Variants in NUDT3 observed in about 807,000 individuals in gnomAD.
NUDT3 encodes diphosphoinositol polyphosphate phosphohydrolase 1.
In NUDT3, 9 loss-of-function variants were observed where a neutral mutation model predicts 23.6. That is an observed-to-expected ratio of 0.38 (90% CI 0.23 to 0.66). The LOEUF is 0.66. Ranked by LOEUF, NUDT3 falls within the 30% of genes least tolerant of loss-of-function variation. The pLI, the probability that NUDT3 is intolerant of heterozygous loss-of-function variation, is 0.52. For synonymous variants in NUDT3, 86 were observed against 82.6 expected, an observed-to-expected ratio of 1.04 and a Z score of -0.22; for missense variants, 172 against 218.5, an observed-to-expected ratio of 0.79 and a Z score of 1.34.
intron 4 of NUDT3, among the ~76,000 whole-genome samples, chr6:34,292,584 T>C (rs190146849): frequency 6.6e-6 from 1 of 151,918 alleles, no homozygotes; most frequent in Admixed American, 6.5e-5. Context: ...ATTTTATCAT[T>C]TTTATATTCA....
intron 1 of NUDT3, among the ~76,000 whole-genome samples, chr6:34,377,707 C>T (rs1352110498): frequency 6.6e-6 from 1 of 151,948 alleles, no homozygotes; most frequent in East Asian, 1.9e-4. Context: ...GTGGCACACA[C>T]CTGTAACCCC....
chr6:34,289,028 C>T lies in NUDT3; in HGVS notation c.341-97G>A, dbSNP rs868092171. ...TATAGAAAACATTAAAGCAATGTTT[C>T]TTAACACTTTTTTTCCTTACAAAAA... On this transcript the variant is annotated intron_variant, in intron 4 of 4. Transcript: ENST00000607016. 61 of 1,379,000 alleles carry T rather than the reference C, an allele frequency of 4.4e-5. No individual in the cohort carries two copies. The Middle Eastern group carries it at 7.2e-4, about 16-fold the overall frequency. The allele number at this position is 1,379,000 out of a possible 1,614,324, so 85.4% of individuals were successfully genotyped here. A position where few individuals can be genotyped will look rare whatever the true frequency, so the allele number is the denominator to read the frequency against.
chr6:34,389,585 G>A (rs1765162032), intron 1 of NUDT3, among the ~76,000 whole-genome samples: 1 of 152,080 alleles, frequency 6.6e-6, no homozygotes. Flanking sequence ...TTGAGCATAG[G>A]AGGTTGAGGC....
At position 34,281,844 on chromosome 6, in the gene NUDT3, G is replaced by A. The variant is rs1205285606; in HGVS notation, c.*6909C>T. 1.3e-5 allele frequency: 2 copies of A among 152,168 alleles called. No homozygotes were observed. Among genetic ancestry groups the A allele is most frequent in the African/African-American group, 4.8e-5 (2 of 41,426 alleles). 9.4% of individuals were successfully genotyped at this position (152,168 alleles called of 1,614,324 possible). On this transcript the variant is annotated 3_prime_UTR_variant, in exon 5 of 5. Transcript: ENST00000607016. ...ACATGCTCCCAGTCACGAGGGATGG[G>A]GTGAGCGGGCAGGTTTCTGTCTGTG...
Position 34,297,759 on chromosome 6 carries a change from AATTTTTT to A in NUDT3, c.211-2081_211-2075del, listed in dbSNP as rs1219864230. 1.6e-3 allele frequency among the ~76,000 whole-genome samples: 112 copies of A among 71,102 alleles called. 1 individual carries two copies. The highest frequency in any genetic ancestry group is 6.6e-3 in the African/African-American group (100 of 15,144). 46.6% of individuals were successfully genotyped at this position (71,102 alleles called of 152,430 possible). On this transcript the variant is annotated intron_variant, in intron 2 of 4. Transcript: ENST00000607016. ...TATATATATATATATATATATATAT[AATTTTTT>A]TTTTTTTTTTAGTAGAGACGGGGTT...
chr6:34,352,994 A>AT (rs1228261650), intron 1 of NUDT3, among the ~76,000 whole-genome samples: 1 of 152,130 alleles, frequency 6.6e-6, no homozygotes, highest in Non-Finnish European at 1.5e-5. Context: ...TCAAACATCT[A>AT]TTTTTTTAAT....
intron 1 of NUDT3, among the ~76,000 whole-genome samples, chr6:34,360,835 AT>A (rs1764639455): frequency 1.3e-5 from 2 of 152,174 alleles, no homozygotes. Context: ...TAAAGGATTC[AT>A]CCAAAATATA....
chr6:34,366,567 TG>T (rs1428934907), intron 1 of NUDT3, among the ~76,000 whole-genome samples: 45 of 147,992 alleles, frequency 3.0e-4, no homozygotes, highest in East Asian at 2.5e-3. Flanking sequence ...CTTACTGTTT[TG>T]TTTTTTAGAG....
chr6:34,340,142 T>G (rs900337940), intron 2 of NUDT3, among the ~76,000 whole-genome samples: 5 of 152,148 alleles, frequency 3.3e-5, no homozygotes, highest in African/African-American at 4.8e-5. Context: ...GATAGAGCTG[T>G]GATAACCATC....
chr6:34,308,895 G>A (rs1382160524), intron 2 of NUDT3, among the ~76,000 whole-genome samples: 1 of 152,166 alleles, frequency 6.6e-6, no homozygotes, highest in African/African-American at 2.4e-5. Flanking sequence ...CTAGGTGGCA[G>A]AAAATCAAAT....
intron 2 of NUDT3, among the ~76,000 whole-genome samples, chr6:34,312,877 A>G (rs1228925985): frequency 6.6e-6 from 1 of 152,206 alleles, no homozygotes; most frequent in Non-Finnish European, 1.5e-5. Context: ...ATGTAAGGAC[A>G]TGGAGAGGGC....
chr6:34,302,497 C>T (rs952676545), intron 2 of NUDT3, among the ~76,000 whole-genome samples: 94 of 152,280 alleles, frequency 6.2e-4, no homozygotes, highest in African/African-American at 2.1e-3. Flanking sequence ...CTTTGGGAGG[C>T]CGAGGTGGGC....
chr6:34,306,838 T>C (rs1353891001), intron 2 of NUDT3, among the ~76,000 whole-genome samples: 1 of 152,214 alleles, frequency 6.6e-6, no homozygotes, highest in Non-Finnish European at 1.5e-5. Flanking sequence ...TAAAAAGTAA[T>C]TTAGAGTAGT....
At chr6:34,359,800 G>T (rs911763500) in intron 1 of NUDT3, among the ~76,000 whole-genome samples, 1 of 152,108 alleles carries the variant, frequency 6.6e-6, no homozygotes, top group Admixed American at 6.6e-5. Flanking sequence ...TGAAACTGCT[G>T]GATCAAACAT....
At chr6:34,290,600 G>C (rs1266143350) in intron 4 of NUDT3, among the ~76,000 whole-genome samples, 1 of 151,110 alleles carries the variant, frequency 6.6e-6, no homozygotes, top group Non-Finnish European at 1.5e-5. Context: ...GCTAAGGCAG[G>C]AGGACTGCTT....
chr6:34,317,129 T>C (rs1763873694), intron 2 of NUDT3, among the ~76,000 whole-genome samples: 1 of 152,084 alleles, frequency 6.6e-6, no homozygotes, highest in Non-Finnish European at 1.5e-5. Context: ...TTGGGTTAAG[T>C]AACTTAAAGG....
rs576362390 is a variant in NUDT3 at position 34,286,900 on chromosome 6, C to G, written c.*1853G>C. On this transcript the variant is annotated 3_prime_UTR_variant, in exon 5 of 5. Transcript: ENST00000607016. ...CTGCCTCCCAGGTTCAAGCGATTAT[C>G]TCGCCTCAGCCTCCCAAGTAGCTGG... 6.7e-6 allele frequency: 1 copy of G among 148,472 alleles called. No individual in the cohort carries two copies. Among genetic ancestry groups the G allele is most frequent in the Non-Finnish European group, 1.5e-5 (1 of 67,590 alleles). The allele number at this position is 148,472 out of a possible 1,614,324, so 9.2% of individuals were successfully genotyped here.
At position 34,351,634 on chromosome 6, in the gene NUDT3, G is replaced by A. The variant is rs1458851850; in HGVS notation, c.100-9662C>T. On this transcript the variant is annotated intron_variant, in intron 1 of 4. Coordinates refer to ENST00000607016, the MANE Select transcript of NUDT3 (RefSeq NM_006703.4). Reference sequence around the variant, plus strand: ...GTGGGCGCTTGTAATCCCAGCTATCGGGAGACTGAAGGAGGAGAATTGCTT... The same window carrying A: ...GTGGGCGCTTGTAATCCCAGCTATCAGGAGACTGAAGGAGGAGAATTGCTT... Among the ~76,000 whole-genome samples, 6 of 147,852 alleles carry A rather than the reference G, an allele frequency of 4.1e-5. 1 individual carries two copies. The highest frequency in any genetic ancestry group is 6.7e-5 in the Admixed American group (1 of 14,894).
intron 1 of NUDT3, among the ~76,000 whole-genome samples, chr6:34,359,897 C>T (rs1764620341): frequency 6.6e-6 from 1 of 151,794 alleles, no homozygotes. Flanking sequence ...TATGAGGTAT[C>T]CAATTTCTCC....
Sources: gnomAD v4.1 joint callset for allele counts (sites outside exome capture counted in the v4.1 genomes callset) on GRCh38, gnomAD v4.1.1 for gene constraint, MANE v1.5 for transcripts, NCBI Gene and HGNC (gene_info 2026-07-23, HGNC 2026-07-21) for gene names.